DNAI3: variants seen among roughly 807,000 people sequenced by gnomAD.
The protein encoded by DNAI3 is dynein axonemal intermediate chain 3.
DNAI3 carries 83 observed loss-of-function variants against 115.5 expected under a neutral mutation model. That is an observed-to-expected ratio of 0.72 (90% CI 0.60 to 0.86). The LOEUF (loss-of-function observed/expected upper bound fraction) is 0.86, where lower values mean the gene tolerates loss of function less well. Among genes scored for constraint, DNAI3 ranks in the 40% least tolerant of loss-of-function variants. DNAI3 has a pLI of 0.00. For synonymous variants in DNAI3, 320 were observed against 347.0 expected, an observed-to-expected ratio of 0.92 and a Z score of 0.86; for missense variants, 1,004 against 1,075.8, an observed-to-expected ratio of 0.93 and a Z score of 0.93.
At chr1:85,087,501 T>C (rs1263344846) in intron 7 of DNAI3, among the ~76,000 whole-genome samples, 3 of 144,472 alleles carry the variant, frequency 2.1e-5, no homozygotes, top group African/African-American at 7.6e-5. Context: ...TTACCATCTA[T>C]CCCCTTACTC....
At chr1:85,126,337 A>G (rs1471593892) in intron 19 of DNAI3, among the ~76,000 whole-genome samples, 174 bp from the exon 20 acceptor site, 1 of 152,232 alleles carries the variant, frequency 6.6e-6, no homozygotes, top group Non-Finnish European at 1.5e-5. Context: ...AAGAAAGAAA[A>G]GCTGGTGTTA....
At chr1:85,084,250 G>GTATATATATATATA (rs33956396) in intron 5 of DNAI3, among the ~76,000 whole-genome samples, 99 of 85,008 alleles carry the variant, frequency 1.2e-3, no homozygotes, top group Admixed American at 2.5e-3. Context: ...TCAGCAGTGT[G>GTATATATATATATA]TATATATATA....
At chr1:85,084,882 A>C (rs1654753131) in intron 6 of DNAI3, among the ~76,000 whole-genome samples, 187 bp downstream of exon 6, 1 of 136,850 alleles carries the variant, frequency 7.3e-6, no homozygotes, top group Non-Finnish European at 1.5e-5. Context: ...TTTTGTCTCC[A>C]AAAAATGGTA....
intron 21 of DNAI3, among the ~76,000 whole-genome samples, chr1:85,129,086 C>T (rs141830648): frequency 5.3e-5 from 8 of 152,156 alleles, no homozygotes; most frequent in African/African-American, 1.2e-4. Context: ...CCATTGTAAC[C>T]GAAGTGTGGG....
At chr1:85,071,393 G>A (rs909858680) in intron 1 of DNAI3, among the ~76,000 whole-genome samples, 1 of 152,184 alleles carries the variant, frequency 6.6e-6, no homozygotes, top group Non-Finnish European at 1.5e-5. Flanking sequence ...ACTTTTGGAG[G>A]CATTCTCTCT....
intron 3 of DNAI3, among the ~76,000 whole-genome samples, chr1:85,078,537 A>G (rs1654532216): frequency 6.6e-6 from 1 of 152,180 alleles, no homozygotes; most frequent in South Asian, 2.1e-4. Context: ...ACTCTGCTGG[A>G]GGCTCCAGGG....
intron 17 of DNAI3, among the ~76,000 whole-genome samples, chr1:85,121,512 A>G (rs761490746): frequency 3.9e-5 from 6 of 152,222 alleles, no homozygotes; most frequent in African/African-American, 7.2e-5. Flanking sequence ...CTGCAGAACT[A>G]TCATGTTCTC....
intron 22 of DNAI3, 44 bp from the exon 23 acceptor site, chr1:85,132,811 T>C (rs780797380): frequency 7.5e-6 from 12 of 1,595,628 alleles, no homozygotes; most frequent in Non-Finnish European, 7.7e-6. Context: ...TATTTTTAGA[T>C]ATCAGTGTTT....
In DNAI3 at chr1:85,126,599, G is replaced by A; in HGVS notation, c.2201G>A (p.Gly734Asp). Residue 734 changes from glycine (G) to aspartate (D), a missense_variant, in exon 20 of 23, where the codon GGC becomes GAC. By Grantham distance (94) the Gly-to-Asp change is moderately conservative. Transcript: ENST00000294664. Reference sequence around the variant, plus strand: ...ACTCGGCCCGGAGTTTTCTACATCGGCCGAGAAGATGGATACATTGATATC... The same window carrying A: ...ACTCGGCCCGGAGTTTTCTACATCGACCGAGAAGATGGATACATTGATATC... ...SLTRPGVFYIGREDGYIDIWD... is the reference protein window; with the variant it reads ...SLTRPGVFYIDREDGYIDIWD... The A allele has an allele frequency of 6.2e-7, 1 of 1,614,056 alleles. No individual in the cohort carries two copies. Among genetic ancestry groups the A allele is most frequent in the Non-Finnish European group, 8.5e-7 (1 of 1,179,996 alleles).
At chr1:85,128,916 T>C in intron 21 of DNAI3, 117 bp downstream of exon 21, 1 of 832,056 alleles carries the variant, frequency 1.2e-6, no homozygotes, top group Non-Finnish European at 1.9e-6. Flanking sequence ...AAAAGACTCA[T>C]ACAGTAAATA....
Position 85,097,630 on chromosome 1 carries a change from G to A in DNAI3, c.1325G>A (p.Ser442Asn), listed in dbSNP as rs1488276566. The A allele has an allele frequency of 1.9e-6, 3 of 1,612,450 alleles. No individual in the cohort carries two copies. The highest frequency in any genetic ancestry group is 3.3e-5 in the Admixed American group (2 of 59,840). The stretch of plus-strand genomic sequence containing the variant: ...ATAGAAAACATTAAGGCAGGTGGTA[G>A]TAGAAGTAAAAGAGCCACACTGAAG... Reference protein sequence around the residue: ...DRIENIKAGGSRSKRATLKPM... With the variant: ...DRIENIKAGGNRSKRATLKPM... The change falls in exon 12 of 23, where the codon AGT becomes AAT. Residue 442 changes from serine to asparagine, a missense_variant. Physicochemically the swap from Ser to Asn is conservative, Grantham distance 46. This residue lies in a region of DNAI3 where 550 missense variants were observed against 568.1 expected (regional missense o/e 0.97). Transcript: ENST00000294664.
chr1:85,093,448 T>C lies in DNAI3; in HGVS notation c.858-10T>C. 3 of 1,610,930 alleles carry C rather than the reference T, an allele frequency of 1.9e-6. No individual in the cohort carries two copies. Among genetic ancestry groups the C allele is most frequent in the Non-Finnish European group, 2.5e-6 (3 of 1,178,654 alleles). On this transcript the variant is annotated splice_polypyrimidine_tract_variant and intron_variant, in intron 8 of 22. Coordinates refer to ENST00000294664, the MANE Select transcript of DNAI3 (RefSeq NM_145172.5). ...ATATCTTAATTGCTTTTTTTATTTT[T>C]ACAAATTAGTGTTGAAATAGCCCTG...
chr1:85,070,468 A>G (rs1042812685), intron 1 of DNAI3, among the ~76,000 whole-genome samples: 1 of 132,616 alleles, frequency 7.5e-6, no homozygotes, highest in Non-Finnish European at 1.6e-5. Context: ...CCTTCAGGAG[A>G]GTCACCTGAA....
rs1655072236 is a variant in DNAI3, at chr1:85,094,516, G to T, written c.1134G>T (p.Leu378=). ...FSGKLLLQPS[L]ILFWSFSDPI... The stretch of plus-strand genomic sequence containing the variant: ...GTAAATTATTGCTGCAGCCATCACT[G>T]ATTCTTTTCTGGAGCTTCTCTGATC... The change falls in exon 10 of 23, where the codon CTG becomes CTT. Residue 378 remains leucine, a synonymous_variant. Transcript: ENST00000294664. The T allele has an allele frequency of 6.2e-7, 1 of 1,614,044 alleles. No homozygotes were observed. Among genetic ancestry groups the T allele is most frequent in the South Asian group, 1.1e-5 (1 of 91,070 alleles).
At chr1:85,098,146 C>G (rs1258535883) in intron 12 of DNAI3, among the ~76,000 whole-genome samples, 1 of 152,148 alleles carries the variant, frequency 6.6e-6, no homozygotes, top group Non-Finnish European at 1.5e-5. Context: ...GAAGATTACT[C>G]CATACCTACC....
chr1:85,117,066 A>T (rs1184083595), intron 16 of DNAI3, among the ~76,000 whole-genome samples: 1 of 152,076 alleles, frequency 6.6e-6, no homozygotes, highest in Non-Finnish European at 1.5e-5. Flanking sequence ...CTCAGAGGAC[A>T]TATTGAGGAA....
intron 16 of DNAI3, among the ~76,000 whole-genome samples, chr1:85,111,768 T>C (rs113993607): frequency 1.1e-4 from 17 of 152,348 alleles, no homozygotes; most frequent in African/African-American, 2.9e-4. Context: ...GGGGTTTTTA[T>C]TCATTTTTAA....
chr1:85,116,832 A>G (rs891037042), intron 16 of DNAI3, among the ~76,000 whole-genome samples: 1 of 152,200 alleles, frequency 6.6e-6, no homozygotes, highest in Non-Finnish European at 1.5e-5. Flanking sequence ...GTGGGAAAAG[A>G]TACGTCTCAA....
At chr1:85,120,440 G>A (rs1315693357) in intron 17 of DNAI3, among the ~76,000 whole-genome samples, 1 of 152,236 alleles carries the variant, frequency 6.6e-6, no homozygotes, top group African/African-American at 2.4e-5. Flanking sequence ...AATTACAGAA[G>A]TGGCTAGAGA....
Sources: gnomAD v4.1 joint callset for allele counts (sites outside exome capture counted in the v4.1 genomes callset) on GRCh38, gnomAD v4.1.1 for gene constraint, gnomAD v4.1.1 regional missense constraint, MANE v1.5 for transcripts, NCBI Gene and HGNC (gene_info 2026-07-23, HGNC 2026-07-21) for gene names.